DNAH5: variants seen among roughly 807,000 people sequenced by gnomAD.
DNAH5 encodes the protein dynein axonemal heavy chain 5.
Under a neutral mutation model 518.2 loss-of-function variants are expected in DNAH5, and 372 were observed. The observed-to-expected ratio is 0.72, with a 90% CI of 0.66 to 0.78. The LOEUF is 0.78. DNAH5 is among the 30% of genes least tolerant of loss of function. The pLI is 0.00. For missense variants in DNAH5, 5,523 were observed against 5,687.0 expected (o/e 0.97, Z 0.93); for synonymous variants, 2,039 against 2,025.9 (o/e 1.01, Z -0.17).
chr5:13,759,762 A>T (rs1751521821), intron 60 of DNAH5, among the ~76,000 whole-genome samples: 1 of 152,238 alleles, frequency 6.6e-6, no homozygotes, highest in African/African-American at 2.4e-5. Context: ...TAGATCCTTT[A>T]AAATCATTTT....
Position 13,785,053 on chromosome 5 carries a change from A to G in DNAH5, c.8820+1126T>C, listed in dbSNP as rs554920488. ...TATTGTGCACTTGATTTCTATTATT[A>G]TTACATTGTAATATACTATGAAATA... On this transcript the variant is annotated intron_variant, in intron 52 of 78. Transcript: ENST00000265104. Among the ~76,000 whole-genome samples, 444 of 152,190 alleles carry G rather than the reference A, an allele frequency of 2.9e-3. 5 individuals are homozygous for G. The highest frequency in any genetic ancestry group is 0.01 in the African/African-American group (423 of 41,516).
intron 30 of DNAH5, among the ~76,000 whole-genome samples, chr5:13,852,020 G>A (rs1313101659): frequency 6.6e-6 from 1 of 152,074 alleles, no homozygotes; most frequent in African/African-American, 2.4e-5. Context: ...GTACCATGCT[G>A]TGAGGGACAC....
At position 13,814,733 on chromosome 5, in the gene DNAH5, G is replaced by T; in HGVS notation, c.7102C>A (p.Pro2368Thr). 2 of 1,614,034 alleles carry T rather than the reference G, an allele frequency of 1.2e-6. No individual in the cohort carries two copies. The highest frequency in any genetic ancestry group is 1.7e-6 in the Non-Finnish European group (2 of 1,179,988). ...TLTLANGDRI[P>T]MAPNCKIIFE... ...ATGATCTTGCAGTTTGGAGCCATGGGAATCCGATCACCATTGGCAAGGGTT... is the reference window on the plus strand; with the variant it reads ...ATGATCTTGCAGTTTGGAGCCATGGTAATCCGATCACCATTGGCAAGGGTT... Residue 2368 changes from proline (P) to threonine (T), a missense_variant, in exon 43 of 79, where the codon CCC becomes ACC. Coordinates refer to ENST00000265104, the MANE Select transcript of DNAH5 (RefSeq NM_001369.3).
At chr5:13,765,573 T>C (rs1047528375) in intron 59 of DNAH5, among the ~76,000 whole-genome samples, 15 of 152,194 alleles carry the variant, frequency 9.9e-5, no homozygotes, top group Admixed American at 9.2e-4. Flanking sequence ...TATGTAAATA[T>C]TCATCAAGTT....
chr5:13,731,999 G>T (rs546718313), intron 68 of DNAH5, among the ~76,000 whole-genome samples: 1 of 152,098 alleles, frequency 6.6e-6, no homozygotes, highest in South Asian at 2.1e-4. Context: ...TGGATGTATT[G>T]GCATGAGCTT....
In DNAH5 at chr5:13,862,768, C is replaced by A. The variant is rs190203921; in HGVS notation, c.4597-21G>T. On this transcript the variant is annotated intron_variant, in intron 28 of 78. Transcript: ENST00000265104. ...ATGTCCTATCAAAATGGCAAGCTCTCATGTTATTGCATGAAAGTCACACGT... is the reference window on the plus strand; with the variant it reads ...ATGTCCTATCAAAATGGCAAGCTCTAATGTTATTGCATGAAAGTCACACGT... 533 of 1,598,964 alleles carry A rather than the reference C, an allele frequency of 3.3e-4. 3 individuals are homozygous for A. In the African/African-American group the frequency reaches 6.7e-3, roughly 20 times the overall value.
At chr5:13,842,011 A>T in intron 32 of DNAH5, 107 bp from the exon 33 acceptor site, 2 of 720,210 alleles carry the variant, frequency 2.8e-6, no homozygotes, top group Non-Finnish European at 4.7e-6. Flanking sequence ...ACAGATTATA[A>T]AATACTGTAA....
chr5:13,868,328 C>T (rs578118492), intron 24 of DNAH5, among the ~76,000 whole-genome samples: 2 of 152,284 alleles, frequency 1.3e-5, no homozygotes, highest in South Asian at 4.1e-4. Context: ...TTGATCACTA[C>T]AAAATTCTAT....
chr5:13,978,613 C>G (rs1314609194), intron 1 of DNAH5, among the ~76,000 whole-genome samples: 2 of 152,194 alleles, frequency 1.3e-5, no homozygotes, highest in Non-Finnish European at 2.9e-5. Context: ...TTTACCATGC[C>G]TTTTCTATGT....
At chr5:13,994,369 A>G (rs1344479599) in intron 1 of DNAH5, among the ~76,000 whole-genome samples, 1 of 152,234 alleles carries the variant, frequency 6.6e-6, no homozygotes, top group African/African-American at 2.4e-5. Context: ...CTAGAAGAGT[A>G]CGATCATCAT....
At chr5:13,864,663 G>T (rs377637890) in intron 27 of DNAH5, 26 bp from the exon 28 acceptor site, 10 of 1,613,788 alleles carry the variant, frequency 6.2e-6, no homozygotes, top group Admixed American at 1.7e-5. Context: ...AACATGAAAG[G>T]CCATTGAAAT....
chr5:13,943,728 C>A (rs535639700), intron 1 of DNAH5, among the ~76,000 whole-genome samples: 1 of 152,216 alleles, frequency 6.6e-6, no homozygotes, highest in South Asian at 2.1e-4. Context: ...TCTGGGGATA[C>A]ACAAAAAGAC....
intron 1 of DNAH5, among the ~76,000 whole-genome samples, chr5:13,989,412 T>C (rs1474088067): frequency 6.6e-6 from 1 of 151,000 alleles, no homozygotes; most frequent in Non-Finnish European, 1.5e-5. Flanking sequence ...CCCAAAAAAG[T>C]ATGATCCAAT....
At chr5:13,732,074 T>C (rs895534662) in intron 68 of DNAH5, among the ~76,000 whole-genome samples, 2 of 149,944 alleles carry the variant, frequency 1.3e-5, no homozygotes, top group Non-Finnish European at 2.9e-5. Flanking sequence ...GAGTTGTGAT[T>C]GCACCACTGC....
At chr5:13,795,577 A>G (rs1285063074) in intron 47 of DNAH5, among the ~76,000 whole-genome samples, 1 of 152,218 alleles carries the variant, frequency 6.6e-6, no homozygotes, top group East Asian at 1.9e-4. Flanking sequence ...CAACCAAAAA[A>G]AGTCCAGGAC....
chr5:13,842,445 A>AGAGGG (rs1561407436), intron 32 of DNAH5, among the ~76,000 whole-genome samples: 1 of 97,804 alleles, frequency 1.0e-5, no homozygotes, highest in Non-Finnish European at 2.0e-5. Flanking sequence ...GAAAGAAAGA[A>AGAGGG]AGAAAGAAAG....
At chr5:13,890,762 A>T (rs985941424) in intron 17 of DNAH5, among the ~76,000 whole-genome samples, 1 of 152,218 alleles carries the variant, frequency 6.6e-6, no homozygotes, top group Non-Finnish European at 1.5e-5. Flanking sequence ...TACTGATCTG[A>T]AATGATGTGT....
intron 1 of DNAH5, among the ~76,000 whole-genome samples, chr5:13,994,012 G>A (rs1275665751): frequency 6.6e-6 from 1 of 152,228 alleles, no homozygotes; most frequent in Non-Finnish European, 1.5e-5. Context: ...GCAATTTCCA[G>A]GTGAGCCTCA....
At chr5:13,807,396 A>G (rs953543714) in intron 47 of DNAH5, among the ~76,000 whole-genome samples, 195 bp downstream of exon 47, 3 of 152,258 alleles carry the variant, frequency 2.0e-5, no homozygotes, top group Non-Finnish European at 4.4e-5. Context: ...TAATGTTTCC[A>G]TAATTTAAGA....
Sources: allele counts gnomAD v4.1 joint callset (sites outside exome capture counted in the v4.1 genomes callset), GRCh38; gene constraint gnomAD v4.1.1; transcripts MANE v1.5; gene names NCBI Gene and HGNC (gene_info 2026-07-23, HGNC 2026-07-21).